GRIK4: variants seen among roughly 807,000 people sequenced by gnomAD.
GRIK4 encodes glutamate ionotropic receptor kainate type subunit 4, also known as glutamate receptor ionotropic, kainate 4.
In GRIK4, 40 loss-of-function variants were observed where a neutral mutation model predicts 104.9. The ratio of observed to expected loss-of-function variants is 0.38; its 90% CI spans 0.30 to 0.50. The LOEUF is 0.50. Ranked by LOEUF, GRIK4 falls within the 20% of genes least tolerant of loss-of-function variation. GRIK4 has a pLI of 0.93. For synonymous variants in GRIK4, 485 were observed against 524.9 expected (o/e 0.92, Z 1.04); for missense variants, 1,047 against 1,308.1 (o/e 0.80, Z 3.08).
At chr11:120,797,859 C>T (rs150796323) in intron 3 of GRIK4, among the ~76,000 whole-genome samples, 7 of 152,166 alleles carry the variant, frequency 4.6e-5, no homozygotes, top group African/African-American at 1.7e-4. Flanking sequence ...AAGATTCGCA[C>T]GTTCCCTATT....
chr11:120,526,849 C>CA (rs371169106), intron 1 of GRIK4, among the ~76,000 whole-genome samples: 9 of 150,146 alleles, frequency 6.0e-5, no homozygotes, highest in Non-Finnish European at 7.4e-5. Context: ...AACACCATCT[C>CA]AAAAAAAAGA....
intron 1 of GRIK4, among the ~76,000 whole-genome samples, chr11:120,649,506 A>G (rs1949590124): frequency 6.6e-6 from 1 of 152,146 alleles, no homozygotes; most frequent in Admixed American, 6.5e-5. Context: ...TGTCACGAAC[A>G]GCCGTTCCAG....
chr11:120,579,914 C>T (rs927065733), intron 1 of GRIK4, among the ~76,000 whole-genome samples: 8 of 152,154 alleles, frequency 5.3e-5, no homozygotes, highest in Admixed American at 2.0e-4. Context: ...TCCCTCCCCA[C>T]CTCCCACCCT....
chr11:120,968,242 C>G (rs549414132), intron 19 of GRIK4, among the ~76,000 whole-genome samples: 73 of 152,280 alleles, frequency 4.8e-4, no homozygotes, highest in Middle Eastern at 3.4e-3. Context: ...CTAGTTTGCC[C>G]AGGATGGTAT....
chr11:120,895,229 C>T (rs1037286468), intron 11 of GRIK4, among the ~76,000 whole-genome samples: 6 of 152,106 alleles, frequency 3.9e-5, no homozygotes, highest in South Asian at 2.1e-4. Flanking sequence ...AGAACAGTGG[C>T]GGTGGGAAAG....
At chr11:120,601,410 G>A (rs911585626) in intron 1 of GRIK4, among the ~76,000 whole-genome samples, 1 of 151,938 alleles carries the variant, frequency 6.6e-6, no homozygotes, top group Non-Finnish European at 1.5e-5. Context: ...CATCTCAAAC[G>A]AAAACAAAAA....
At chr11:120,947,797 C>T (rs1943897977) in intron 14 of GRIK4, among the ~76,000 whole-genome samples, 1 of 152,170 alleles carries the variant, frequency 6.6e-6, no homozygotes. Flanking sequence ...GTGCTCCTTT[C>T]TATGGGGGAA....
At chr11:120,532,679 C>T (rs1404647075) in intron 1 of GRIK4, among the ~76,000 whole-genome samples, 1 of 152,226 alleles carries the variant, frequency 6.6e-6, no homozygotes, top group Admixed American at 6.5e-5. Flanking sequence ...TGCTTTCTGG[C>T]ACTGGCCTTG....
intron 7 of GRIK4, among the ~76,000 whole-genome samples, chr11:120,834,300 G>GTGTGTGTGGC (rs199908418): frequency 6.7e-6 from 1 of 149,028 alleles, no homozygotes; most frequent in Non-Finnish European, 1.5e-5. Flanking sequence ...GTGTGTGTGT[G>GTGTGTGTGGC]GCCATGCTTT....
Position 120,636,316 on chromosome 11 carries a change from C to T in GRIK4, c.-158-17369C>T, listed in dbSNP as rs560230065. Among the ~76,000 whole-genome samples, 7 of 152,188 alleles carry T rather than the reference C, an allele frequency of 4.6e-5. No individual in the cohort carries two copies. In the South Asian group the frequency reaches 1.2e-3, roughly 27 times the overall value. ...CCTACCCCAGGGGAGCATGAGTGCCCCTCCTTTACCCTCCCATGGCACTCT... is the reference window on the plus strand; with the variant it reads ...CCTACCCCAGGGGAGCATGAGTGCCTCTCCTTTACCCTCCCATGGCACTCT... On this transcript the variant is annotated intron_variant, in intron 1 of 20. Transcript: ENST00000527524.
At chr11:120,630,759 C>T (rs1454138237) in intron 1 of GRIK4, among the ~76,000 whole-genome samples, 2 of 152,178 alleles carry the variant, frequency 1.3e-5, no homozygotes, top group Non-Finnish European at 2.9e-5. Context: ...CCATTGGATG[C>T]GGATGTTGGA....
In GRIK4 at chr11:120,563,749, C is replaced by T. The variant is rs112165326; in HGVS notation, c.-159+51862C>T. Reference sequence around the variant, plus strand: ...GGGTTAGTTGGCTCTGAATTCCCCTCCACCCTTCCCCAGGTCATTCAGAAG... The same window carrying T: ...GGGTTAGTTGGCTCTGAATTCCCCTTCACCCTTCCCCAGGTCATTCAGAAG... On this transcript the variant is annotated intron_variant, in intron 1 of 20. Coordinates refer to ENST00000527524, the MANE Select transcript of GRIK4 (RefSeq NM_014619.5). Among the ~76,000 whole-genome samples the T allele has an allele frequency of 1.6e-3, 238 of 152,276 alleles. 2 individuals are homozygous for T. Among genetic ancestry groups the T allele is most frequent in the African/African-American group, 5.3e-3 (221 of 41,554 alleles).
At chr11:120,876,243 CACCACCACCATT>C (rs1434164498) in intron 11 of GRIK4, among the ~76,000 whole-genome samples, 95 of 143,712 alleles carry the variant, frequency 6.6e-4, no homozygotes, top group African/African-American at 2.4e-3. Flanking sequence ...TTACTACCAC[CACCACCACCATT>C]ACCACCACCA....
chr11:120,841,472 T>G (rs1463555517), intron 8 of GRIK4, among the ~76,000 whole-genome samples: 5 of 152,242 alleles, frequency 3.3e-5, no homozygotes, highest in African/African-American at 1.2e-4. Context: ...ATACTATGTG[T>G]GTGTAGACAC....
intron 9 of GRIK4, among the ~76,000 whole-genome samples, chr11:120,863,598 G>C (rs1356635855): frequency 6.6e-6 from 1 of 152,238 alleles, no homozygotes; most frequent in Non-Finnish European, 1.5e-5. Context: ...AAAAGCATTA[G>C]GTCTAGGAGA....
chr11:120,751,127 G>A (rs528601877), intron 3 of GRIK4, among the ~76,000 whole-genome samples: 33 of 152,162 alleles, frequency 2.2e-4, no homozygotes, highest in African/African-American at 7.5e-4. Context: ...TTTTCACCTT[G>A]GCATGGCCCC....
rs149734139 is a variant in GRIK4, at chr11:120,516,184, G to T, written c.-159+4297G>T. Reference sequence around the variant, plus strand: ...GAGTCCCCTGTTTGGGGGGTGGGCAGGACCCTTCTCTCCCACAGGGTGATA... The same window carrying T: ...GAGTCCCCTGTTTGGGGGGTGGGCATGACCCTTCTCTCCCACAGGGTGATA... On this transcript the variant is annotated intron_variant, in intron 1 of 20. Transcript: ENST00000527524. Among the ~76,000 whole-genome samples the T allele has an allele frequency of 4.4e-3, 664 of 152,346 alleles. 7 individuals are homozygous for T. The highest frequency in any genetic ancestry group is 0.014 in the African/African-American group (598 of 41,576).
At chr11:120,929,090 T>C (rs1336917535) in intron 13 of GRIK4, among the ~76,000 whole-genome samples, 1 of 152,202 alleles carries the variant, frequency 6.6e-6, no homozygotes, top group Admixed American at 6.5e-5. Flanking sequence ...ACTGTTCCTT[T>C]ATTCCCTGAT....
At chr11:120,645,667 G>T (rs1949533519) in intron 1 of GRIK4, among the ~76,000 whole-genome samples, 1 of 152,212 alleles carries the variant, frequency 6.6e-6, no homozygotes, top group Admixed American at 6.5e-5. Context: ...CGTGCTCTCA[G>T]ATCTGTTGAG....
Sources: allele counts gnomAD v4.1 joint callset (sites outside exome capture counted in the v4.1 genomes callset), GRCh38; gene constraint gnomAD v4.1.1; transcripts MANE v1.5; gene names NCBI Gene and HGNC (gene_info 2026-07-23, HGNC 2026-07-21).